DOCK11: variants seen among roughly 807,000 people sequenced by gnomAD.
The protein encoded by DOCK11 is dedicator of cytokinesis 11, also known as dedicator of cytokinesis protein 11.
Under a neutral mutation model 169.1 loss-of-function variants are expected in DOCK11, and 70 were observed. That is an observed-to-expected ratio of 0.41 (90% CI 0.34 to 0.51). DOCK11 has a LOEUF of 0.51. DOCK11 is among the 20% of genes least tolerant of loss of function. The probability of loss-of-function intolerance (pLI) is 0.10; values close to 1 mark genes in which losing one functional copy is unlikely to be tolerated. For missense variants in DOCK11, 1,166 were observed against 1,538.8 expected (o/e 0.76, Z 4.05); for synonymous variants, 529 against 541.3 (o/e 0.98, Z 0.32).
chrX:118,535,792 T>G (rs781376351), intron 1 of DOCK11, among the ~76,000 whole-genome samples: 1 of 111,881 alleles, frequency 8.9e-6, no homozygotes, highest in South Asian at 3.8e-4. Flanking sequence ...TATGAAAAGA[T>G]GTTCATGTCT....
rs755060885 is a variant in DOCK11 at position 118,588,463 on chromosome X, C to T, written c.2031C>T (p.Asp677=). 3.8e-5 allele frequency: 45 copies of T among 1,183,785 alleles called. No homozygotes were observed. The South Asian group carries it at 6.6e-4, about 17-fold the overall frequency. ...AATTCCGGGATTCAGATGAAAGTGA[C>T]GCTAGTGCCCTAAAGGTTTGTTTAT... ...CVEFRDSDES[D]ASALKCIYGK... Residue 677 remains aspartate (D), a synonymous_variant, in exon 18 of 53, where the codon GAC becomes GAT. Coordinates refer to ENST00000276202, the MANE Select transcript of DOCK11 (RefSeq NM_144658.4).
chrX:118,609,145 G>A, intron 26 of DOCK11, 133 bp from the exon 27 acceptor site: 2 of 461,397 alleles, frequency 4.3e-6, no homozygotes, highest in Non-Finnish European at 7.4e-6. Flanking sequence ...GATATTCTGT[G>A]ACTTTGATAG....
intron 8 of DOCK11, 39 bp downstream of exon 8, chrX:118,566,221 C>T (rs1190968453): frequency 3.6e-6 from 4 of 1,124,439 alleles, no homozygotes; most frequent in South Asian, 2.0e-5. Context: ...AAGTAAAGCC[C>T]TTGTCTTTAA....
At chrX:118,560,130 C>A (rs918450206) in intron 6 of DOCK11, among the ~76,000 whole-genome samples, 8 of 110,405 alleles carry the variant, frequency 7.2e-5, no homozygotes, top group Non-Finnish European at 1.3e-4. Flanking sequence ...TAAAAAAAAT[C>A]AATGATATTT....
chrX:118,560,103 AT>A (rs1422345914), intron 6 of DOCK11, among the ~76,000 whole-genome samples: 9 of 111,243 alleles, frequency 8.1e-5, no homozygotes, highest in Non-Finnish European at 1.5e-4. Flanking sequence ...ACACTGATAT[AT>A]ATTTTTGTCA....
chrX:118,680,427 GAATAAAATAAAA>G lies in DOCK11; in HGVS notation c.5461-42_5461-31del, dbSNP rs72332266. 5,279 of 750,270 alleles carry G rather than the reference GAATAAAATAAAA, an allele frequency of 7.0e-3. 90 individuals are homozygous for G. The highest frequency in any genetic ancestry group is 0.015 in the South Asian group (236 of 15,364). 61.8% of individuals were successfully genotyped at this position (750,270 alleles called of 1,213,427 possible). A position where few individuals can be genotyped will look rare whatever the true frequency, so the allele number is the denominator to read the frequency against. ...ACCTTATCTCCTTTTCCCTTCCACT[GAATAAAATAAAA>G]AATAAAATAAAATAAATAAATAAAA... On this transcript the variant is annotated intron_variant, in intron 48 of 52. Coordinates refer to ENST00000276202, the MANE Select transcript of DOCK11 (RefSeq NM_144658.4).
chrX:118,658,033 A>G (rs2016121745), intron 44 of DOCK11, among the ~76,000 whole-genome samples: 1 of 111,974 alleles, frequency 8.9e-6, no homozygotes, highest in Admixed American at 9.5e-5. Flanking sequence ...AGCTTTTTGA[A>G]GTCTAGATAA....
At chrX:118,580,273 C>A in intron 14 of DOCK11, 94 bp downstream of exon 14, 1 of 695,959 alleles carries the variant, frequency 1.4e-6, no homozygotes, top group South Asian at 3.6e-5. Context: ...GTGTTTCTGG[C>A]AGGCCAGTTG....
intron 48 of DOCK11, among the ~76,000 whole-genome samples, chrX:118,679,416 C>T (rs1221340787): frequency 8.9e-6 from 1 of 111,945 alleles, no homozygotes; most frequent in Non-Finnish European, 1.9e-5. Flanking sequence ...TTTATCCATA[C>T]AGCCATTAAA....
intron 47 of DOCK11, 109 bp downstream of exon 47, chrX:118,676,158 G>A: frequency 4.2e-6 from 2 of 478,618 alleles, no homozygotes; most frequent in South Asian, 3.6e-5. Context: ...TATTACAACA[G>A]CAGGGAGCCT....
chrX:118,526,845 T>TGGCCAGAA (rs2011387738), intron 1 of DOCK11, among the ~76,000 whole-genome samples: 1 of 112,693 alleles, frequency 8.9e-6, no homozygotes, highest in Non-Finnish European at 1.9e-5. Flanking sequence ...TGGACTTAAA[T>TGGCCAGAA]GGCCAGAAGT....
chrX:118,643,393 T>C, intron 39 of DOCK11, 64 bp from the exon 40 acceptor site: 2 of 1,057,896 alleles, frequency 1.9e-6, no homozygotes, highest in Non-Finnish European at 2.5e-6. Flanking sequence ...CATAAACAGG[T>C]ATTGGTGAAA....
At chrX:118,512,804 G>T (rs12851083) in intron 1 of DOCK11, among the ~76,000 whole-genome samples, 2,399 of 110,696 alleles carry the variant, frequency 0.022, 66 homozygotes, top group African/African-American at 0.075. Context: ...TGCCAGACCC[G>T]TGTTTCTCAA....
chrX:118,499,517 C>G (rs2057559772), intron 1 of DOCK11, among the ~76,000 whole-genome samples: 1 of 111,915 alleles, frequency 8.9e-6, no homozygotes, highest in Admixed American at 9.5e-5. Flanking sequence ...CAGCTGTTGA[C>G]TCCCCCAACC....
chrX:118,610,434 C>T lies in DOCK11; in HGVS notation c.3096+16C>T, dbSNP rs754991596. 3.3e-6 allele frequency: 4 copies of T among 1,203,862 alleles called. No individual in the cohort carries two copies. The highest frequency in any genetic ancestry group is 3.4e-6 in the Non-Finnish European group (3 of 892,134). ...CTTCCTGAAGGTGAGTTCAAGGCAG[C>T]TAGAATGTGGTAAGGAACTCCTCTT... On this transcript the variant is annotated intron_variant, in intron 28 of 52. Transcript: ENST00000276202.
intron 1 of DOCK11, among the ~76,000 whole-genome samples, chrX:118,504,763 A>G (rs747709361): frequency 8.9e-6 from 1 of 112,098 alleles, no homozygotes; most frequent in Admixed American, 9.5e-5. Flanking sequence ...GCCTACAGCC[A>G]GATGCCTTTT....
chrX:118,584,126 A>T (rs1217703880), intron 14 of DOCK11, among the ~76,000 whole-genome samples: 1 of 112,013 alleles, frequency 8.9e-6, no homozygotes, highest in African/African-American at 3.2e-5. Context: ...TCATGAATGT[A>T]TACAGTCACG....
At chrX:118,590,053 CTG>C (rs1426694314) in intron 18 of DOCK11, among the ~76,000 whole-genome samples, 155 bp from the exon 19 acceptor site, 1 of 112,166 alleles carries the variant, frequency 8.9e-6, no homozygotes, top group African/African-American at 3.2e-5. Context: ...TCTGGAGTGA[CTG>C]TGTAAATGAT....
At chrX:118,656,615 A>G (rs1427199345) in intron 44 of DOCK11, among the ~76,000 whole-genome samples, 1 of 112,279 alleles carries the variant, frequency 8.9e-6, no homozygotes, top group Non-Finnish European at 1.9e-5. Flanking sequence ...TAAACGGAGT[A>G]CCGTGATTTC....
Sources: allele counts gnomAD v4.1 joint callset (sites outside exome capture counted in the v4.1 genomes callset), GRCh38; gene constraint gnomAD v4.1.1; transcripts MANE v1.5; gene names NCBI Gene and HGNC (gene_info 2026-07-23, HGNC 2026-07-21).